MTOR: variants seen among roughly 807,000 people sequenced by gnomAD.
MTOR encodes the protein mechanistic target of rapamycin kinase, also known as serine/threonine-protein kinase mTOR.
Under a neutral mutation model 319.8 loss-of-function variants are expected in MTOR, and 70 were observed. The ratio of observed to expected loss-of-function variants is 0.22; its 90% CI spans 0.18 to 0.27. The LOEUF (loss-of-function observed/expected upper bound fraction) is 0.27. MTOR is among the 10% of genes least tolerant of loss of function. MTOR has a pLI of 1.00. For synonymous variants in MTOR, 1,183 were observed against 1,211.4 expected (o/e 0.98, Z 0.49); for missense variants, 1,890 against 3,274.4 (o/e 0.58, Z 10.32).
chr1:11,154,826 G>C (rs1177024685), intron 30 of MTOR, among the ~76,000 whole-genome samples: 1 of 151,754 alleles, frequency 6.6e-6, no homozygotes, highest in African/African-American at 2.4e-5. Flanking sequence ...TCCACTGAGA[G>C]ACAGATTAAA....
intron 39 of MTOR, among the ~76,000 whole-genome samples, chr1:11,130,133 G>A (rs1013496578): frequency 6.6e-6 from 1 of 152,174 alleles, no homozygotes; most frequent in Admixed American, 6.5e-5. Flanking sequence ...CGGCCCTGGC[G>A]CATTCTGAAC....
chr1:11,237,412 G>T (rs1301660737), intron 13 of MTOR, among the ~76,000 whole-genome samples: 1 of 152,080 alleles, frequency 6.6e-6, no homozygotes. Context: ...TAGTGGAAAC[G>T]GTCTCACACT....
rs987121572 is a variant in MTOR at position 11,144,585 on chromosome 1, C to T, written c.4872+63G>A. On this transcript the variant is annotated intron_variant, in intron 34 of 57. Coordinates refer to ENST00000361445, the MANE Select transcript of MTOR (RefSeq NM_004958.4). ...GTAAGAGCCAGGGTGGAGGGGGGCA[C>T]TCACCCAGGTCCTGGAAGGGGTAGG... The T allele has an allele frequency of 3.5e-6, 5 of 1,429,752 alleles. No homozygotes were observed. The African/African-American group carries it at 7.0e-5, about 20-fold the overall frequency. 88.6% of individuals were successfully genotyped at this position (1,429,752 alleles called of 1,614,324 possible).
chr1:11,237,398 C>G (rs1647351166), intron 13 of MTOR, among the ~76,000 whole-genome samples: 1 of 152,094 alleles, frequency 6.6e-6, no homozygotes, highest in Non-Finnish European at 1.5e-5. Flanking sequence ...ACTATTAGAA[C>G]AAATAGTGGA....
At position 11,247,816 on chromosome 1, in the gene MTOR, T is replaced by C. The variant is rs1269152620; in HGVS notation, c.1116+3A>G. 1 of 1,612,992 alleles carries C rather than the reference T, an allele frequency of 6.2e-7. No individual in the cohort carries two copies. Among genetic ancestry groups the C allele is most frequent in the South Asian group, 1.1e-5 (1 of 91,054 alleles). ...AAGAGGGAAAGGGCCTCTCACCACT[T>C]ACCTGATCAAATTTCTCCTCCATCA... On this transcript the variant is annotated splice_donor_region_variant and intron_variant, in intron 7 of 57. Transcript: ENST00000361445.
At chr1:11,250,313 G>A (rs1209113567) in intron 6 of MTOR, among the ~76,000 whole-genome samples, 3 of 151,646 alleles carry the variant, frequency 2.0e-5, no homozygotes, top group African/African-American at 4.9e-5. Flanking sequence ...GGCTGGCCGG[G>A]CAGAGGGGCT....
chr1:11,231,048 G>A lies in MTOR; in HGVS notation c.2656C>T (p.Arg886Cys), dbSNP rs1432293757. The change falls in exon 18 of 58, where the codon CGT (arginine) becomes TGT (cysteine). Residue 886 changes from arginine to cysteine, a missense_variant. Arg to Cys is a radical substitution (Grantham distance 180). This residue lies in a region of MTOR where 377 missense variants were observed against 653.9 expected (regional missense o/e 0.58). Coordinates refer to ENST00000361445, the MANE Select transcript of MTOR (RefSeq NM_004958.4). ...AAAGCCCCTAAAAGCCCTAACACAC[G>A]GATGGCCTGCGTGGGAAAGGGGAGG... ...QNQGTRREAI[R>C]VLGLLGALDP... 7 of 1,614,074 alleles carry A rather than the reference G, an allele frequency of 4.3e-6. No individual in the cohort carries two copies. Among genetic ancestry groups the A allele is most frequent in the East Asian group, 2.2e-5 (1 of 44,880 alleles).
rs1350446510 is a variant in MTOR at position 11,129,101 on chromosome 1, T to C, written c.5715-150A>G. On this transcript the variant is annotated intron_variant, in intron 40 of 57. Coordinates refer to ENST00000361445, the MANE Select transcript of MTOR (RefSeq NM_004958.4). The surrounding 1 kb of genome is among the most constrained non-coding windows in gnomAD (Gnocchi z 4.7). ...TTGGCCTCCCATGGGAGCAGGTGTC[T>C]GTGATGGGTGGCAGTGCTCTTGACT... is the stretch of plus-strand genomic sequence containing the variant. 1 of 644,806 alleles carries C rather than the reference T, an allele frequency of 1.6e-6. No homozygotes were observed. The highest frequency in any genetic ancestry group is 2.4e-5 in the Admixed American group (1 of 41,548). The allele number at this position is 644,806 out of a possible 1,614,324, so 39.9% of individuals were successfully genotyped here. A position where few individuals can be genotyped will look rare whatever the true frequency, so the allele number is the denominator to read the frequency against.
intron 16 of MTOR, among the ~76,000 whole-genome samples, chr1:11,231,819 G>A (rs1381485726): frequency 6.6e-6 from 1 of 152,136 alleles, no homozygotes; most frequent in Admixed American, 6.5e-5. Flanking sequence ...TTAATCTCCT[G>A]GAATCGAGTG....
chr1:11,121,427 A>C lies in MTOR; in HGVS notation c.6811-59T>G, dbSNP rs375235474. 23 of 1,602,788 alleles carry C rather than the reference A, an allele frequency of 1.4e-5. No individual in the cohort carries two copies. In the African/African-American group the frequency reaches 2.5e-4, roughly 18 times the overall value. Reference sequence around the variant, plus strand: ...AGCCTAAGACATGTAGTTTGGGTCCAGGAAGAAACAAGGCTTGGGGTCCAG... The same window carrying C: ...AGCCTAAGACATGTAGTTTGGGTCCCGGAAGAAACAAGGCTTGGGGTCCAG... On this transcript the variant is annotated intron_variant, in intron 48 of 57. Coordinates refer to ENST00000361445, the MANE Select transcript of MTOR (RefSeq NM_004958.4). This position sits in a 1 kb window ranked among gnomAD's most constrained non-coding sequence, Gnocchi z 4.9.
rs748054204 is a variant in MTOR, at chr1:11,212,347, T to C, written c.3526A>G (p.Thr1176Ala). ...SPELRSTAMDTLSSLVFQLGK... is the reference protein window; with the variant it reads ...SPELRSTAMDALSSLVFQLGK... Reference sequence around the variant, plus strand: ...AGCTGAAAAACAAGTGAAGACAGCGTGTCCATGGCTGTGGAGCGCAGTTCT... The same window carrying C: ...AGCTGAAAAACAAGTGAAGACAGCGCGTCCATGGCTGTGGAGCGCAGTTCT... The change falls in exon 23 of 58, where the codon ACG becomes GCG. Residue 1176 changes from threonine to alanine, a missense_variant. This residue lies in a region of MTOR where 115 missense variants were observed against 105.7 expected (regional missense o/e 1.09). Transcript: ENST00000361445. The surrounding 1 kb of genome is among the most constrained non-coding windows in gnomAD (Gnocchi z 4.1). 20 of 1,614,096 alleles carry C rather than the reference T, an allele frequency of 1.2e-5. No individual in the cohort carries two copies. In the South Asian group the frequency reaches 1.6e-4, roughly 13 times the overall value.
rs535738923 is a variant in MTOR at position 11,254,842 on chromosome 1, G to T, written c.706-869C>A. Among the ~76,000 whole-genome samples the T allele has an allele frequency of 2.0e-5, 3 of 150,426 alleles. No individual in the cohort carries two copies. The South Asian group carries it at 6.3e-4, about 32-fold the overall frequency. ...TGCAGTGGCATGATCATGACTCACT[G>T]CAGCCTTGATCTCTTGGGCTCAAGC... On this transcript the variant is annotated intron_variant, in intron 5 of 57. Coordinates refer to ENST00000361445, the MANE Select transcript of MTOR (RefSeq NM_004958.4).
chr1:11,121,309 G>T lies in MTOR; in HGVS notation c.6870C>A (p.Ala2290=), dbSNP rs748884894. The change falls in exon 49 of 58, where the codon GCC becomes GCA. Residue 2290 remains alanine, a synonymous_variant. Transcript: ENST00000361445. The surrounding 1 kb of genome is among the most constrained non-coding windows in gnomAD (Gnocchi z 4.9). Reference sequence around the variant, plus strand: ...GGTCGTCCCCAGCTGTATTATTGACGGCATGCTCAAACACCTCCACCTTCT... The same window carrying T: ...GGTCGTCCCCAGCTGTATTATTGACTGCATGCTCAAACACCTCCACCTTCT... ...LMQKVEVFEH[A]VNNTAGDDLA... is the part of the protein sequence containing the mutation. 3 of 1,614,076 alleles carry T rather than the reference G, an allele frequency of 1.9e-6. No homozygotes were observed. The highest frequency in any genetic ancestry group is 2.5e-6 in the Non-Finnish European group (3 of 1,180,036).
intron 17 of MTOR, 110 bp from the exon 18 acceptor site, chr1:11,231,164 A>G (rs1010918134): frequency 1.2e-5 from 19 of 1,587,382 alleles, no homozygotes; most frequent in South Asian, 4.5e-5. Flanking sequence ...TATCCAAATG[A>G]CCAGCTACAT....
Position 11,228,794 on chromosome 1 carries a change from GTGA to G in MTOR, c.2901_2903del (p.His968del). ...AGGTGATGGCCTGGACAACCATGGT[GTGA>G]TGATGAGAGAGTGACTGGTCTCGGA... On this transcript the variant is annotated inframe_deletion, in exon 19 of 58. Transcript: ENST00000361445. 1 of 1,614,180 alleles carries G rather than the reference GTGA, an allele frequency of 6.2e-7. No homozygotes were observed. The highest frequency in any genetic ancestry group is 8.5e-7 in the Non-Finnish European group (1 of 1,180,024).
In MTOR at chr1:11,210,242, A is replaced by C. The variant is rs374652756; in HGVS notation, c.3654+572T>G. Among the ~76,000 whole-genome samples, 49 of 152,320 alleles carry C rather than the reference A, an allele frequency of 3.2e-4. No individual in the cohort carries two copies. In the South Asian group the frequency reaches 8.1e-3, roughly 25 times the overall value. ...CACTGGTGCAATCACAGCTCACTGCAGCCTCAGGTGATCCTCCCACTTCAG... is the reference window on the plus strand; with the variant it reads ...CACTGGTGCAATCACAGCTCACTGCCGCCTCAGGTGATCCTCCCACTTCAG... On this transcript the variant is annotated intron_variant, in intron 24 of 57. Coordinates refer to ENST00000361445, the MANE Select transcript of MTOR (RefSeq NM_004958.4).
intron 28 of MTOR, among the ~76,000 whole-genome samples, chr1:11,174,669 A>C (rs1294117507): frequency 6.6e-6 from 1 of 152,210 alleles, no homozygotes; most frequent in Admixed American, 6.5e-5. Flanking sequence ...TATGAGACTG[A>C]AGGCAGAGAC....
chr1:11,147,652 G>T (rs533857431), intron 31 of MTOR, among the ~76,000 whole-genome samples: 1 of 152,280 alleles, frequency 6.6e-6, no homozygotes, highest in South Asian at 2.1e-4. Context: ...AAATGTTCCG[G>T]ATCTAGCCCA....
chr1:11,239,620 G>A (rs978873779), intron 11 of MTOR, among the ~76,000 whole-genome samples: 1 of 151,988 alleles, frequency 6.6e-6, no homozygotes, highest in East Asian at 1.9e-4. Context: ...AAATCATACC[G>A]CCAGCCGGGC....
Sources: gnomAD v4.1 joint callset for allele counts (sites outside exome capture counted in the v4.1 genomes callset) on GRCh38, gnomAD v4.1.1 for gene constraint, gnomAD v4.1.1 regional missense constraint, Gnocchi (gnomAD v3.1) non-coding constraint, MANE v1.5 for transcripts, NCBI Gene and HGNC (gene_info 2026-07-23, HGNC 2026-07-21) for gene names.